The following PDSS2 variants were observed in gnomAD, a reference collection of about 807,000 sequenced individuals.
PDSS2 encodes all trans-polyprenyl-diphosphate synthase PDSS2.
PDSS2 carries 31 observed loss-of-function variants against 44.5 expected under a neutral mutation model. That is an observed-to-expected ratio of 0.70 (90% CI 0.52 to 0.94). The LOEUF (loss-of-function observed/expected upper bound fraction) is 0.94, where lower values mean the gene tolerates loss of function less well. Ranked by LOEUF, PDSS2 falls within the 40% of genes least tolerant of loss-of-function variation. PDSS2 has a pLI of 0.00. For missense variants in PDSS2, 452 were observed against 482.2 expected (o/e 0.94, Z 0.59); for synonymous variants, 157 against 180.3 (o/e 0.87, Z 1.03).
rs1014732038 is a variant in PDSS2, at chr6:107,350,789, G to T, written c.297-16457C>A. The stretch of plus-strand genomic sequence containing the variant: ...CACACCACTGTGCTCCAGCCTGGGT[G>T]AACAGAGCAGGACCCTGTCTCAAAA... On this transcript the variant is annotated intron_variant, in intron 1 of 7. Transcript: ENST00000369037. Among the ~76,000 whole-genome samples the T allele has an allele frequency of 6.6e-5, 10 of 151,696 alleles. No individual in the cohort carries two copies. In the East Asian group the frequency reaches 1.2e-3, roughly 18 times the overall value.
In PDSS2 at chr6:107,290,207, T is replaced by C. The variant is rs377277475; in HGVS notation, c.432-15980A>G. 3.9e-5 allele frequency among the ~76,000 whole-genome samples: 6 copies of C among 152,372 alleles called. No homozygotes were observed. In the East Asian group the frequency reaches 7.7e-4, roughly 20 times the overall value. On this transcript the variant is annotated intron_variant, in intron 2 of 7. Coordinates refer to ENST00000369037, the MANE Select transcript of PDSS2 (RefSeq NM_020381.4). The stretch of plus-strand genomic sequence containing the variant: ...TATCACAAAGTTGTTTCTACTTTTC[T>C]AATAATTTAGGAGTGAAATGATTAG...
At chr6:107,205,676 T>A (rs1232915139) in intron 6 of PDSS2, among the ~76,000 whole-genome samples, 1 of 152,184 alleles carries the variant, frequency 6.6e-6, no homozygotes. Context: ...AACTGCCTTT[T>A]GTGAAAGAGT....
intron 7 of PDSS2, among the ~76,000 whole-genome samples, chr6:107,184,132 G>A (rs911009676): frequency 6.6e-6 from 1 of 152,118 alleles, no homozygotes; most frequent in East Asian, 1.9e-4. Flanking sequence ...AAGTCCCAGG[G>A]TAGGAGATGC....
intron 2 of PDSS2, among the ~76,000 whole-genome samples, chr6:107,333,450 A>T (rs948807810): frequency 4.6e-5 from 7 of 152,168 alleles, no homozygotes; most frequent in African/African-American, 1.4e-4. Flanking sequence ...AGATGTAAAA[A>T]TTTTTTAATC....
chr6:107,335,161 CAAAAAAAAAAA>C (rs765731620), intron 1 of PDSS2, among the ~76,000 whole-genome samples: 4 of 64,164 alleles, frequency 6.2e-5, no homozygotes, highest in Admixed American at 1.6e-4. Flanking sequence ...ACTCTGTTTC[CAAAAAAAAAAA>C]AAAAAAAAAA....
At chr6:107,272,981 CCCA>C (rs1775654272) in intron 3 of PDSS2, among the ~76,000 whole-genome samples, 1 of 151,810 alleles carries the variant, frequency 6.6e-6, no homozygotes, top group Admixed American at 6.6e-5. Flanking sequence ...CACTCTGTCG[CCCA>C]GGCTGGAGTG....
intron 1 of PDSS2, among the ~76,000 whole-genome samples, chr6:107,394,717 C>T (rs1471584166): frequency 6.6e-6 from 1 of 152,176 alleles, no homozygotes; most frequent in Non-Finnish European, 1.5e-5. Flanking sequence ...CAACAATATA[C>T]ATTCATTATT....
At position 107,341,555 on chromosome 6, in the gene PDSS2, A is replaced by G. The variant is rs112402782; in HGVS notation, c.297-7223T>C. ...TAGGTGAGAGAGAAAAGAAAAGAAG[A>G]GAAGGGAAGGGAATCTTGGAGAATT... On this transcript the variant is annotated intron_variant, in intron 1 of 7. Coordinates refer to ENST00000369037, the MANE Select transcript of PDSS2 (RefSeq NM_020381.4). 2.4e-3 allele frequency among the ~76,000 whole-genome samples: 361 copies of G among 151,848 alleles called. 5 individuals carry two copies. Among genetic ancestry groups the G allele is most frequent in the African/African-American group, 8.5e-3 (351 of 41,162 alleles).
At chr6:107,192,298 G>C in intron 7 of PDSS2, 1 of 466,008 alleles carries the variant, frequency 2.1e-6, no homozygotes, top group Non-Finnish European at 4.2e-6. Flanking sequence ...AGGAGAGACG[G>C]TCCCAACACT....
intron 1 of PDSS2, among the ~76,000 whole-genome samples, chr6:107,439,832 G>C (rs919426552): frequency 1.3e-5 from 2 of 152,158 alleles, no homozygotes; most frequent in Admixed American, 6.5e-5. Flanking sequence ...GGTAGTTTGG[G>C]AAAGGAATAT....
chr6:107,281,938 C>T (rs1006740114), intron 2 of PDSS2, among the ~76,000 whole-genome samples: 1 of 152,076 alleles, frequency 6.6e-6, no homozygotes, highest in African/African-American at 2.4e-5. Flanking sequence ...CAGAGTCTTG[C>T]TCCGTCACCC....
At chr6:107,218,113 G>C (rs968297691) in intron 4 of PDSS2, among the ~76,000 whole-genome samples, 1 of 152,156 alleles carries the variant, frequency 6.6e-6, no homozygotes, top group Non-Finnish European at 1.5e-5. Flanking sequence ...CTGTTCTTCA[G>C]ACATACTAAA....
intron 6 of PDSS2, among the ~76,000 whole-genome samples, chr6:107,199,121 C>T (rs528400520): frequency 1.2e-4 from 18 of 152,240 alleles, no homozygotes; most frequent in South Asian, 1.0e-3. Flanking sequence ...TTGGGAGAAG[C>T]GATAGTTTCT....
At chr6:107,452,839 G>A (rs1781917357) in intron 1 of PDSS2, among the ~76,000 whole-genome samples, 2 of 151,692 alleles carry the variant, frequency 1.3e-5, no homozygotes, top group African/African-American at 2.4e-5. Context: ...GCTAATTTTT[G>A]TATTTCTAGT....
At chr6:107,210,231 T>C (rs1773150949) in intron 6 of PDSS2, among the ~76,000 whole-genome samples, 2 of 152,206 alleles carry the variant, frequency 1.3e-5, no homozygotes, top group African/African-American at 4.8e-5. Flanking sequence ...TTCTAAGAAC[T>C]CAGATAATAG....
chr6:107,159,874 T>C (rs1294704878), intron 7 of PDSS2, among the ~76,000 whole-genome samples: 1 of 152,160 alleles, frequency 6.6e-6, no homozygotes, highest in Non-Finnish European at 1.5e-5. Flanking sequence ...GAGTATTTAC[T>C]ATATGTAAAG....
chr6:107,302,522 C>T (rs1210794098), intron 2 of PDSS2, among the ~76,000 whole-genome samples: 1 of 152,068 alleles, frequency 6.6e-6, no homozygotes, highest in Admixed American at 6.6e-5. Context: ...CCTGCCTCGG[C>T]CTTTCTAAAC....
intron 6 of PDSS2, among the ~76,000 whole-genome samples, chr6:107,205,900 T>C (rs1772957722): frequency 6.6e-6 from 1 of 152,170 alleles, no homozygotes; most frequent in African/African-American, 2.4e-5. Context: ...CTGGCTTCCT[T>C]GTCTAGTCAA....
chr6:107,261,500 G>A (rs1374516803), intron 3 of PDSS2, among the ~76,000 whole-genome samples: 1 of 151,852 alleles, frequency 6.6e-6, no homozygotes, highest in African/African-American at 2.4e-5. Flanking sequence ...CATGCTTCCT[G>A]TAAAGCCTGA....
Sources: gnomAD v4.1 joint callset for allele counts (sites outside exome capture counted in the v4.1 genomes callset) on GRCh38, gnomAD v4.1.1 for gene constraint, MANE v1.5 for transcripts, NCBI Gene and HGNC (gene_info 2026-07-23, HGNC 2026-07-21) for gene names.